CLEC16A: variants seen among roughly 807,000 people sequenced by gnomAD.
The protein encoded by CLEC16A is C-type lectin domain containing 16A, also known as protein CLEC16A.
A neutral mutation model predicts 109.5 loss-of-function variants in CLEC16A; 51 were observed. The observed-to-expected ratio is 0.47, with a 90% CI of 0.37 to 0.59. The LOEUF (loss-of-function observed/expected upper bound fraction) is 0.59. Ranked by LOEUF, CLEC16A falls within the 20% of genes least tolerant of loss-of-function variation. The pLI is 0.00. For missense variants in CLEC16A, 1,339 were observed against 1,394.0 expected, an observed-to-expected ratio of 0.96 and a Z score of 0.63; for synonymous variants, 673 against 564.2, an observed-to-expected ratio of 1.19 and a Z score of -2.73.
intron 10 of CLEC16A, among the ~76,000 whole-genome samples, chr16:10,985,718 T>C (rs564129041): frequency 2.3e-4 from 35 of 152,206 alleles, no homozygotes; most frequent in Non-Finnish European, 4.3e-4. Context: ...TGTTTATTTA[T>C]TTTTATTTAT....
intron 19 of CLEC16A, among the ~76,000 whole-genome samples, chr16:11,104,650 G>C (rs79780130): frequency 0.028 from 4,320 of 152,234 alleles, 212 homozygotes; most frequent in African/African-American, 0.099. Flanking sequence ...CCCATACCAC[G>C]AAGGTGGAGA....
intron 22 of CLEC16A, 66 bp downstream of exon 22, chr16:11,126,212 C>T (rs754793541): frequency 8.1e-6 from 13 of 1,596,758 alleles, no homozygotes; most frequent in Non-Finnish European, 1.0e-5. Context: ...GTCTTTCTCT[C>T]TGTGGAGCCT....
rs968280281 is a variant in CLEC16A at position 10,954,042 on chromosome 16, A to C, written c.81-3740A>C. ...ACAAAAGAAGATATTCAAACAGTCC[A>C]TAAACATATATGAACAGGCACCCGG... On this transcript the variant is annotated intron_variant, in intron 1 of 23. Coordinates refer to ENST00000409790, the MANE Select transcript of CLEC16A (RefSeq NM_015226.3). This position sits in a 1 kb window ranked among gnomAD's most constrained non-coding sequence, Gnocchi z 4.2. 3.2e-4 allele frequency among the ~76,000 whole-genome samples: 49 copies of C among 152,032 alleles called. No individual in the cohort carries two copies. Among genetic ancestry groups the C allele is most frequent in the African/African-American group, 8.9e-4 (37 of 41,366 alleles).
At chr16:11,083,684 G>T (rs2049858197) in intron 19 of CLEC16A, among the ~76,000 whole-genome samples, 1 of 152,192 alleles carries the variant, frequency 6.6e-6, no homozygotes, top group Admixed American at 6.5e-5. Context: ...CACTGATTTG[G>T]GCTAAAGGAG....
chr16:11,090,195 C>CA (rs1463775945), intron 19 of CLEC16A, among the ~76,000 whole-genome samples: 1 of 152,168 alleles, frequency 6.6e-6, no homozygotes, highest in Non-Finnish European at 1.5e-5. Flanking sequence ...CAGGCTGCGT[C>CA]AGTCATGGGA....
rs535001978 is a variant in CLEC16A, at chr16:11,033,127, C to T, written c.1538-6627C>T. On this transcript the variant is annotated intron_variant, in intron 13 of 23. Transcript: ENST00000409790. ...CTGGAAGGACTTGTGATTATTTCAG[C>T]GCTAGAGCCAGGACGTGCTGATGGA... is the stretch of plus-strand genomic sequence containing the variant. Among the ~76,000 whole-genome samples the T allele has an allele frequency of 5.3e-5, 8 of 152,106 alleles. No individual in the cohort carries two copies. In the South Asian group the frequency reaches 1.0e-3, roughly 20 times the overall value.
intron 22 of CLEC16A, among the ~76,000 whole-genome samples, chr16:11,129,847 C>G (rs1447871744): frequency 5.3e-5 from 8 of 151,614 alleles, no homozygotes; most frequent in Non-Finnish European, 1.0e-4. Context: ...ACTGCAAGCT[C>G]CGCCTCCCGG....
intron 13 of CLEC16A, among the ~76,000 whole-genome samples, chr16:11,030,638 T>C (rs1435986097): frequency 6.6e-6 from 1 of 152,204 alleles, no homozygotes; most frequent in Non-Finnish European, 1.5e-5. Context: ...TCGAGACTTT[T>C]GGGTTTTTTT....
At chr16:10,964,494 C>G (rs1000668955) in intron 3 of CLEC16A, among the ~76,000 whole-genome samples, 1 of 152,202 alleles carries the variant, frequency 6.6e-6, no homozygotes, top group Non-Finnish European at 1.5e-5. Flanking sequence ...GAGGAGAGCA[C>G]AGTGGCTGCA....
chr16:10,995,567 C>T (rs912032098), intron 10 of CLEC16A, among the ~76,000 whole-genome samples: 5 of 152,188 alleles, frequency 3.3e-5, no homozygotes, highest in African/African-American at 9.6e-5. Context: ...CTTCCATCCT[C>T]GTGATCTATT....
chr16:11,042,558 C>G (rs936930328), intron 15 of CLEC16A, among the ~76,000 whole-genome samples, 195 bp downstream of exon 15: 1 of 152,192 alleles, frequency 6.6e-6, no homozygotes, highest in African/African-American at 2.4e-5. Context: ...AGCCGAGACT[C>G]GCTGAAGAGT....
chr16:11,051,765 A>T, intron 18 of CLEC16A, 124 bp downstream of exon 18: 1 of 1,245,916 alleles, frequency 8.0e-7, no homozygotes, highest in Non-Finnish European at 1.1e-6. Context: ...TAGACAGTGG[A>T]TAGAGAGTAC....
At chr16:10,986,582 T>C (rs549587080) in intron 10 of CLEC16A, among the ~76,000 whole-genome samples, 1 of 152,262 alleles carries the variant, frequency 6.6e-6, no homozygotes, top group Admixed American at 6.5e-5. Flanking sequence ...ACCATTCTCC[T>C]CTCTGCATGA....
At chr16:10,983,879 G>A (rs1035116731) in intron 10 of CLEC16A, among the ~76,000 whole-genome samples, 54 of 151,260 alleles carry the variant, frequency 3.6e-4, no homozygotes, top group African/African-American at 1.3e-3. Flanking sequence ...AGCTCCTTAT[G>A]GCAGGGATCT....
At position 11,040,892 on chromosome 16, in the gene CLEC16A, G is replaced by A. The variant is rs1479912490; in HGVS notation, c.1660+1016G>A. 4 of 152,218 alleles carry A rather than the reference G, an allele frequency of 2.6e-5. No homozygotes were observed. In the East Asian group the frequency reaches 7.7e-4, roughly 29 times the overall value. 9.4% of individuals were successfully genotyped at this position (152,218 alleles called of 1,614,324 possible). A position where few individuals can be genotyped will look rare whatever the true frequency, so the allele number is the denominator to read the frequency against. On this transcript the variant is annotated intron_variant, in intron 14 of 23. Transcript: ENST00000409790. The stretch of plus-strand genomic sequence containing the variant: ...CAATGCATTAACAAAGGGACTGGCA[G>A]GGAGGTGGGCAGAGGGGTGTATCTG...
At chr16:11,176,768 A>G (rs2068765417) in intron 23 of CLEC16A, among the ~76,000 whole-genome samples, 1 of 152,086 alleles carries the variant, frequency 6.6e-6, no homozygotes, top group South Asian at 2.1e-4. Context: ...ATGAATTGTG[A>G]CCTTTTAGAG....
chr16:11,078,853 G>A (rs189758788), intron 19 of CLEC16A, among the ~76,000 whole-genome samples: 13 of 152,274 alleles, frequency 8.5e-5, no homozygotes. Context: ...AGCCCGAGAG[G>A]CCTGTGGTAT....
intron 10 of CLEC16A, among the ~76,000 whole-genome samples, chr16:10,987,107 T>C (rs1214385811): frequency 6.6e-6 from 1 of 152,104 alleles, no homozygotes; most frequent in African/African-American, 2.4e-5. Context: ...CTGCCCGTCT[T>C]AGCCTCCCAA....
intron 7 of CLEC16A, among the ~76,000 whole-genome samples, chr16:10,973,446 A>T (rs537656019): frequency 6.6e-6 from 1 of 152,334 alleles, no homozygotes; most frequent in African/African-American, 2.4e-5. Context: ...ATGAACCTCA[A>T]AAGCATTATG....
Sources: allele counts gnomAD v4.1 joint callset (sites outside exome capture counted in the v4.1 genomes callset), GRCh38; gene constraint gnomAD v4.1.1; non-coding constraint Gnocchi (gnomAD v3.1); transcripts MANE v1.5; gene names NCBI Gene and HGNC (gene_info 2026-07-23, HGNC 2026-07-21).